The following PAPPA2 variants were observed in gnomAD, a reference collection of about 807,000 sequenced individuals.
The protein encoded by PAPPA2 is pappalysin 2.
PAPPA2 carries 86 observed loss-of-function variants against 176.4 expected under a neutral mutation model. The ratio of observed to expected loss-of-function variants is 0.49; its 90% CI spans 0.41 to 0.58. The LOEUF (loss-of-function observed/expected upper bound fraction) is 0.58, where lower values mean the gene tolerates loss of function less well. PAPPA2 is among the 20% of genes least tolerant of loss of function. The pLI is 0.00. For missense variants in PAPPA2, 2,073 were observed against 2,256.9 expected (o/e 0.92, Z 1.65); for synonymous variants, 809 against 852.2 (o/e 0.95, Z 0.88).
rs945748638 is a variant in PAPPA2, at chr1:176,715,763, CT to C, written c.3798+3783del. Among the ~76,000 whole-genome samples the C allele has an allele frequency of 3.9e-5, 6 of 152,144 alleles. No individual in the cohort carries two copies. The South Asian group carries it at 8.3e-4, about 21-fold the overall frequency. On this transcript the variant is annotated intron_variant, in intron 12 of 22. Transcript: ENST00000367662. ...GGGCAGTAATAAGACTAGCAGACCC[CT>C]GGGATGGCTTGGCCTACCATGAGTT...
At chr1:176,736,831 T>A (rs1432144205) in intron 12 of PAPPA2, among the ~76,000 whole-genome samples, 1 of 151,524 alleles carries the variant, frequency 6.6e-6, no homozygotes, top group African/African-American at 2.4e-5. Context: ...TAGACTCAAT[T>A]TATAAAGTAG....
chr1:176,565,822 C>A (rs1212553701), intron 2 of PAPPA2, among the ~76,000 whole-genome samples: 1 of 152,164 alleles, frequency 6.6e-6, no homozygotes, highest in African/African-American at 2.4e-5. Context: ...GACATCTGGG[C>A]TCTGATGCTG....
chr1:176,733,232 A>C (rs1222647465), intron 12 of PAPPA2, among the ~76,000 whole-genome samples: 1 of 152,170 alleles, frequency 6.6e-6, no homozygotes, highest in Non-Finnish European at 1.5e-5. Context: ...AAAATTGTCT[A>C]AGGTGCATTT....
At chr1:176,477,833 G>A (rs1652210565) in intron 1 of PAPPA2, among the ~76,000 whole-genome samples, 1 of 151,980 alleles carries the variant, frequency 6.6e-6, no homozygotes, top group Non-Finnish European at 1.5e-5. Context: ...TTACTTTTAT[G>A]ACCCACTAAA....
rs146918415 is a variant in PAPPA2, at chr1:176,823,816, A to G, written c.5203-16357A>G. On this transcript the variant is annotated intron_variant, in intron 21 of 22. Transcript: ENST00000367662. Reference sequence around the variant, plus strand: ...CAGAACAATCTGAGGGACCACAGAGATATCTGTGAGCATTAAGAATCTCTG... The same window carrying G: ...CAGAACAATCTGAGGGACCACAGAGGTATCTGTGAGCATTAAGAATCTCTG... 2.5e-3 allele frequency among the ~76,000 whole-genome samples: 375 copies of G among 152,300 alleles called. 3 individuals are homozygous for G. Among genetic ancestry groups the G allele is most frequent in the Non-Finnish European group, 4.0e-3 (271 of 68,014 alleles).
intron 2 of PAPPA2, among the ~76,000 whole-genome samples, chr1:176,577,188 G>T (rs10798462): frequency 0.14 from 21,368 of 152,118 alleles, 1,557 homozygotes; most frequent in Middle Eastern, 0.19. Context: ...TCATATGCAG[G>T]CCACCTCTTC....
intron 21 of PAPPA2, among the ~76,000 whole-genome samples, chr1:176,826,106 G>T (rs1011923442): frequency 6.6e-6 from 1 of 152,162 alleles, no homozygotes; most frequent in African/African-American, 2.4e-5. Flanking sequence ...GTAAATATGG[G>T]ACCAGTTAAT....
intron 12 of PAPPA2, among the ~76,000 whole-genome samples, chr1:176,733,424 CAGA>C (rs1384627101): frequency 6.6e-6 from 1 of 152,132 alleles, no homozygotes; most frequent in Non-Finnish European, 1.5e-5. Flanking sequence ...AGTGCGCTGA[CAGA>C]GGAGCTCCAA....
chr1:176,510,246 G>T (rs1300027093), intron 1 of PAPPA2, among the ~76,000 whole-genome samples: 1 of 152,078 alleles, frequency 6.6e-6, no homozygotes, highest in Non-Finnish European at 1.5e-5. Context: ...GCAGATAGGG[G>T]TGGGGAACAT....
At position 176,790,757 on chromosome 1, in the gene PAPPA2, T is replaced by C. The variant is rs1195662208; in HGVS notation, c.4885-590T>C. On this transcript the variant is annotated intron_variant, in intron 18 of 22. Transcript: ENST00000367662. ...TACTTTTTGGGGTTTTGAGAGTTAG[T>C]GCTACTCTCTATGTTCTAGATAGAG... Among the ~76,000 whole-genome samples, 3 of 152,196 alleles carry C rather than the reference T, an allele frequency of 2.0e-5. No individual in the cohort carries two copies. In the East Asian group the frequency reaches 5.8e-4, roughly 29 times the overall value.
At chr1:176,758,401 G>A (rs1369058141) in intron 14 of PAPPA2, among the ~76,000 whole-genome samples, 1 of 152,158 alleles carries the variant, frequency 6.6e-6, no homozygotes, top group African/African-American at 2.4e-5. Flanking sequence ...AAATAGCAAA[G>A]CTATCTAAGG....
At chr1:176,510,115 A>G (rs749603572) in intron 1 of PAPPA2, among the ~76,000 whole-genome samples, 2 of 152,172 alleles carry the variant, frequency 1.3e-5, no homozygotes, top group African/African-American at 2.4e-5. Context: ...GATGAAAACT[A>G]TAAGCTCACA....
rs575373213 is a variant in PAPPA2 at position 176,701,181 on chromosome 1, A to G, written c.3237-1426A>G. 3.3e-5 allele frequency among the ~76,000 whole-genome samples: 5 copies of G among 152,222 alleles called. 1 individual carries two copies. The highest frequency in any genetic ancestry group is 1.2e-4 in the African/African-American group (5 of 41,534). ...ATAGCAAAATCGGAATTAAAATCCA[A>G]TTTTTCAACTGGATCTCATTTTGGT... On this transcript the variant is annotated intron_variant, in intron 8 of 22. Coordinates refer to ENST00000367662, the MANE Select transcript of PAPPA2 (RefSeq NM_020318.3).
intron 4 of PAPPA2, among the ~76,000 whole-genome samples, chr1:176,673,562 T>C (rs12121635): frequency 0.066 from 9,971 of 152,178 alleles, 359 homozygotes; most frequent in South Asian, 0.14. Flanking sequence ...TAAAAGACCT[T>C]AAAAATTATC....
intron 14 of PAPPA2, among the ~76,000 whole-genome samples, chr1:176,762,660 C>A (rs566685114): frequency 6.6e-6 from 1 of 152,262 alleles, no homozygotes; most frequent in South Asian, 2.1e-4. Context: ...TCTTTAGAAT[C>A]ACTAATGAAG....
At chr1:176,489,733 T>C (rs892192062) in intron 1 of PAPPA2, among the ~76,000 whole-genome samples, 11 of 152,154 alleles carry the variant, frequency 7.2e-5, no homozygotes, top group Non-Finnish European at 1.5e-4. Context: ...TTGTGAAAAA[T>C]TGGACAAGCT....
chr1:176,838,278 T>G (rs1469487045), intron 21 of PAPPA2, among the ~76,000 whole-genome samples: 1 of 152,206 alleles, frequency 6.6e-6, no homozygotes, highest in Non-Finnish European at 1.5e-5. Flanking sequence ...ATATTTAGAT[T>G]GTTCTTATGA....
At chr1:176,489,163 A>C (rs1416076443) in intron 1 of PAPPA2, among the ~76,000 whole-genome samples, 1 of 152,196 alleles carries the variant, frequency 6.6e-6, no homozygotes, top group East Asian at 1.9e-4. Flanking sequence ...ATGACACAAT[A>C]GTTAACACTA....
chr1:176,784,426 C>T (rs1261870304), intron 17 of PAPPA2, among the ~76,000 whole-genome samples: 1 of 152,142 alleles, frequency 6.6e-6, no homozygotes, highest in East Asian at 1.9e-4. Context: ...ATCAGTCCAT[C>T]CATTGCTGTG....
Sources: allele counts gnomAD v4.1 joint callset (sites outside exome capture counted in the v4.1 genomes callset), GRCh38; gene constraint gnomAD v4.1.1; transcripts MANE v1.5; gene names NCBI Gene and HGNC (gene_info 2026-07-23, HGNC 2026-07-21).